Variants in PCYT1A observed in about 807,000 individuals in gnomAD.
PCYT1A encodes the protein phosphate cytidylyltransferase 1A, choline.
PCYT1A carries 25 observed loss-of-function variants against 43.7 expected under a neutral mutation model. That is an observed-to-expected ratio of 0.57 (90% confidence interval 0.42 to 0.80). The LOEUF is 0.80. PCYT1A is among the 30% of genes least tolerant of loss of function. The pLI, the probability that PCYT1A is intolerant of heterozygous loss-of-function variation, is 0.00. For missense variants in PCYT1A, 421 were observed against 474.2 expected (o/e 0.89, Z 1.04); for synonymous variants, 172 against 170.7 (o/e 1.01, Z -0.06).
chr3:196,276,942 A>G (rs1391200598), intron 1 of PCYT1A, among the ~76,000 whole-genome samples: 1 of 151,984 alleles, frequency 6.6e-6, no homozygotes, highest in East Asian at 1.9e-4. Flanking sequence ...TCTCAAAAAA[A>G]AAAAAGGCCA....
chr3:196,251,348 CTGAGGATCAGATACACCATGCTGAGGT>C (rs1724778825), intron 3 of PCYT1A: 1 of 158,744 alleles, frequency 6.3e-6, no homozygotes, highest in Non-Finnish European at 1.4e-5. Flanking sequence ...TATGCTGAGG[CTGAGGATCAGATACACCATGCTGAGGT>C]TGAGGATCAG....
chr3:196,248,125 G>C (rs1482721156), intron 4 of PCYT1A, 82 bp downstream of exon 4: 1 of 796,354 alleles, frequency 1.3e-6, no homozygotes, highest in East Asian at 2.5e-5. Context: ...GGAAACAAGA[G>C]CCAGTGTACT....
rs1416920835 is a variant in PCYT1A at position 196,242,940 on chromosome 3, TTTG to T, written c.487-303_487-301del. 2 of 365,732 alleles carry T rather than the reference TTTG, an allele frequency of 5.5e-6. No homozygotes were observed. The highest frequency in any genetic ancestry group is 5.1e-6 in the Non-Finnish European group (1 of 196,140). The allele number at this position is 365,732 out of a possible 1,614,324, so 22.7% of individuals were successfully genotyped here. On this transcript the variant is annotated intron_variant, in intron 5 of 8. Transcript: ENST00000431016. This position sits in a 1 kb window ranked among gnomAD's most constrained non-coding sequence, Gnocchi z 4.2. ...TGCTGTGGTCAATAGGGCCAGAGGG[TTTG>T]CTGGTGAACCGGTTAGTGGGTGGAG...
rs888023981 is a variant in PCYT1A, at chr3:196,273,151, C to G, written c.-10-2610G>C. 6.6e-6 allele frequency among the ~76,000 whole-genome samples: 1 copy of G among 152,236 alleles called. No individual in the cohort carries two copies. Among genetic ancestry groups the G allele is most frequent in the Non-Finnish European group, 1.5e-5 (1 of 68,044 alleles). ...GGCGTACTACAAGCAGCTTCCACTGCAGGCACTGGGGAACATGGTGCTGCC... is the reference window on the plus strand; with the variant it reads ...GGCGTACTACAAGCAGCTTCCACTGGAGGCACTGGGGAACATGGTGCTGCC... On this transcript the variant is annotated intron_variant, in intron 1 of 8. Coordinates refer to ENST00000431016, the MANE Select transcript of PCYT1A (RefSeq NM_001312673.2). This position sits in a 1 kb window ranked among gnomAD's most constrained non-coding sequence, Gnocchi z 4.1.
chr3:196,237,945 G>A lies in PCYT1A; in HGVS notation c.*743C>T, dbSNP rs1283908299. 1 of 152,218 alleles carries A rather than the reference G, an allele frequency of 6.6e-6. No individual in the cohort carries two copies. The highest frequency in any genetic ancestry group is 1.5e-5 in the Non-Finnish European group (1 of 68,046). 9.4% of individuals were successfully genotyped at this position (152,218 alleles called of 1,614,324 possible). A position where few individuals can be genotyped will look rare whatever the true frequency, so the allele number is the denominator to read the frequency against. ...AGCTCCCAAAGAACTGGGTCACAGA[G>A]TTTTCTGAGAAGATGAACACAGCAG... On this transcript the variant is annotated 3_prime_UTR_variant, in exon 9 of 9. Coordinates refer to ENST00000431016, the MANE Select transcript of PCYT1A (RefSeq NM_001312673.2).
In PCYT1A at chr3:196,247,987, C is replaced by T. The variant is rs1186898786; in HGVS notation, c.334+220G>A. On this transcript the variant is annotated intron_variant, in intron 4 of 8. Coordinates refer to ENST00000431016, the MANE Select transcript of PCYT1A (RefSeq NM_001312673.2). This position sits in a 1 kb window ranked among gnomAD's most constrained non-coding sequence, Gnocchi z 4.8. ...TCCTGTGACCACAGAAACTCAGCTA[C>T]AAGCAGTGAATAAATGCCAGATGGC... The T allele has an allele frequency of 3.6e-6, 2 of 559,704 alleles. No individual in the cohort carries two copies. Among genetic ancestry groups the T allele is most frequent in the South Asian group, 2.1e-5 (1 of 48,720 alleles). The allele number at this position is 559,704 out of a possible 1,614,324, so 34.7% of individuals were successfully genotyped here.
chr3:196,245,441 T>A (rs1724532595), intron 5 of PCYT1A, among the ~76,000 whole-genome samples: 1 of 152,116 alleles, frequency 6.6e-6, no homozygotes, highest in Admixed American at 6.5e-5. Context: ...CGCCTGGCCA[T>A]TTTACTGCTA....
chr3:196,280,238 CCT>C (rs755040566), intron 1 of PCYT1A, among the ~76,000 whole-genome samples: 2 of 152,278 alleles, frequency 1.3e-5, no homozygotes, highest in East Asian at 3.9e-4. Flanking sequence ...ATAGCAGAGT[CCT>C]CTCTTATCCA....
At chr3:196,270,095 C>T (rs1725387466) in intron 2 of PCYT1A, among the ~76,000 whole-genome samples, 2 of 152,130 alleles carry the variant, frequency 1.3e-5, no homozygotes, top group Non-Finnish European at 2.9e-5. Flanking sequence ...AACTCCTGAC[C>T]TCAGGTGATC....
rs368739681 is a variant in PCYT1A at position 196,242,638 on chromosome 3, A to G, written c.489T>C (p.Ile163=). Residue 163 remains isoleucine (I), a splice_region_variant and synonymous_variant, in exon 6 of 9, where the codon ATT becomes ATC. Transcript: ENST00000431016. The surrounding 1 kb of genome is among the most constrained non-coding windows in gnomAD (Gnocchi z 4.2). ...GAATATCATCATGGGCTACAAAATC[A>G]ATCTGAAAATAAGGAAACATCATTA... The part of the protein sequence containing the change: ...LTPEFLAEHR[I]DFVAHDDIPY... 3.1e-6 allele frequency: 5 copies of G among 1,597,412 alleles called. No individual in the cohort carries two copies. The highest frequency in any genetic ancestry group is 4.3e-6 in the Non-Finnish European group (5 of 1,164,880).
Position 196,238,141 on chromosome 3 carries a change from GTAACTC to G in PCYT1A, c.*541_*546del. 6.6e-6 allele frequency: 1 copy of G among 152,630 alleles called. No homozygotes were observed. Among genetic ancestry groups the G allele is most frequent in the Non-Finnish European group, 1.5e-5 (1 of 68,036 alleles). 9.5% of individuals were successfully genotyped at this position (152,630 alleles called of 1,614,324 possible). A position where few individuals can be genotyped will look rare whatever the true frequency, so the allele number is the denominator to read the frequency against. Reference sequence around the variant, plus strand: ...CAGTACGTTCAGGGGATTTGTGACTGTAACTCTGCTTTTCGCTTTTCCTTAAGGAAA... The same window carrying G: ...CAGTACGTTCAGGGGATTTGTGACTGTGCTTTTCGCTTTTCCTTAAGGAAA... On this transcript the variant is annotated 3_prime_UTR_variant, in exon 9 of 9. Transcript: ENST00000431016.
At chr3:196,261,172 G>A (rs1021541347) in intron 2 of PCYT1A, among the ~76,000 whole-genome samples, 3 of 152,194 alleles carry the variant, frequency 2.0e-5, no homozygotes, top group African/African-American at 7.2e-5. Context: ...GTTGCCAGGA[G>A]GTAGCTGGAG....
At chr3:196,249,006 CGCCTAA>C (rs1560165660) in intron 3 of PCYT1A, among the ~76,000 whole-genome samples, 2 of 148,698 alleles carry the variant, frequency 1.3e-5, no homozygotes, top group Non-Finnish European at 3.0e-5. Flanking sequence ...GTGATCCACC[CGCCTAA>C]GCCTCCCAAA....
chr3:196,260,170 G>A (rs999211441), intron 2 of PCYT1A, among the ~76,000 whole-genome samples: 26 of 151,856 alleles, frequency 1.7e-4, no homozygotes, highest in Non-Finnish European at 3.7e-4. Context: ...TGATCCACCC[G>A]CTTCGGCCTC....
At position 196,238,450 on chromosome 3, in the gene PCYT1A, G is replaced by GC. The variant is rs201500990; in HGVS notation, c.*237_*238insG. On this transcript the variant is annotated 3_prime_UTR_variant, in exon 9 of 9. Transcript: ENST00000431016. The stretch of plus-strand genomic sequence containing the variant: ...AACAGTGAAACAAAGCCCTTGGGGG[G>GC]GGGTAAATGGATGCAGAGCAGGCTT... 4.4e-4 allele frequency: 160 copies of GC among 363,452 alleles called. 1 individual carries two copies. Among genetic ancestry groups the GC allele is most frequent in the African/African-American group, 3.1e-3 (148 of 47,990 alleles). 22.5% of individuals were successfully genotyped at this position (363,452 alleles called of 1,614,324 possible).
At position 196,268,973 on chromosome 3, in the gene PCYT1A, A is replaced by G. The variant is rs1345534469; in HGVS notation, c.117+1442T>C. Among the ~76,000 whole-genome samples, 1 of 152,218 alleles carries G rather than the reference A, an allele frequency of 6.6e-6. No individual in the cohort carries two copies. The highest frequency in any genetic ancestry group is 1.5e-5 in the Non-Finnish European group (1 of 68,036). On this transcript the variant is annotated intron_variant, in intron 2 of 8. Transcript: ENST00000431016. This position sits in a 1 kb window ranked among gnomAD's most constrained non-coding sequence, Gnocchi z 4.4. ...CAGAGCAGGAGACATGGCAGAAGCA[A>G]TCGTCAGAGTGATGTGAGCACTGGC...
chr3:196,280,693 A>G (rs963650999), intron 1 of PCYT1A, among the ~76,000 whole-genome samples: 2 of 150,876 alleles, frequency 1.3e-5, no homozygotes, highest in East Asian at 3.9e-4. Flanking sequence ...CAGAGCTATG[A>G]TAAAGTTTTA....
chr3:196,263,757 G>A (rs765418155), intron 2 of PCYT1A, among the ~76,000 whole-genome samples: 4 of 151,760 alleles, frequency 2.6e-5, no homozygotes, highest in Non-Finnish European at 5.9e-5. Flanking sequence ...CTCAGCCTCC[G>A]GAGTAGCTGG....
At chr3:196,266,395 C>T (rs1398831674) in intron 2 of PCYT1A, among the ~76,000 whole-genome samples, 1 of 151,604 alleles carries the variant, frequency 6.6e-6, no homozygotes, top group African/African-American at 2.4e-5. Flanking sequence ...ATGGCGTGAA[C>T]CCAGGAGGCG....
Sources: gnomAD v4.1 joint callset for allele counts (sites outside exome capture counted in the v4.1 genomes callset) on GRCh38, gnomAD v4.1.1 for gene constraint, Gnocchi (gnomAD v3.1) non-coding constraint, MANE v1.5 for transcripts, NCBI Gene and HGNC (gene_info 2026-07-23, HGNC 2026-07-21) for gene names.